CCDC38: variants seen among roughly 807,000 people sequenced by gnomAD.
CCDC38 encodes coiled-coil domain-containing protein 38.
CCDC38 carries 69 observed loss-of-function variants against 72.8 expected under a neutral mutation model. That is an observed-to-expected ratio of 0.95 (90% CI 0.78 to 1.16). The LOEUF is 1.16. CCDC38 is among the 50% of genes most tolerant of loss of function. CCDC38 has a pLI of 0.00. For missense variants in CCDC38, 626 were observed against 638.9 expected (o/e 0.98, Z 0.22); for synonymous variants, 201 against 213.2 (o/e 0.94, Z 0.50).
intron 2 of CCDC38, among the ~76,000 whole-genome samples, chr12:95,928,478 G>C (rs574623007): frequency 7.9e-5 from 12 of 152,232 alleles, no homozygotes; most frequent in Middle Eastern, 3.4e-3. Flanking sequence ...TTTGCCTTTG[G>C]TTTGAATTTC....
chr12:95,899,632 T>A (rs10859975), intron 5 of CCDC38, among the ~76,000 whole-genome samples: 62,400 of 151,968 alleles, frequency 0.41, 13,660 homozygotes, highest in African/African-American at 0.55. Flanking sequence ...CAGGAAAAAA[T>A]TAAATCATAA....
At position 95,892,278 on chromosome 12, in the gene CCDC38, C is replaced by CTTTTTTT. The variant is rs774500212; in HGVS notation, c.773-1355_773-1349dup. Among the ~76,000 whole-genome samples, 47 of 76,008 alleles carry CTTTTTTT rather than the reference C, an allele frequency of 6.2e-4. 2 individuals carry two copies. The highest frequency in any genetic ancestry group is 1.1e-3 in the African/African-American group (19 of 16,734). The allele number at this position is 76,008 out of a possible 152,430, so 49.9% of individuals were successfully genotyped here. A position where few individuals can be genotyped will look rare whatever the true frequency, so the allele number is the denominator to read the frequency against. On this transcript the variant is annotated intron_variant, in intron 8 of 15. Transcript: ENST00000344280. The stretch of plus-strand genomic sequence containing the variant: ...TGACCCCGCTTTCACTTATTACAAT[C>CTTTTTTT]TTTTTTTTTTTTTTTTTTTTTTTGG...
At chr12:95,915,359 A>G (rs1172596164) in intron 4 of CCDC38, among the ~76,000 whole-genome samples, 3 of 152,248 alleles carry the variant, frequency 2.0e-5, no homozygotes, top group African/African-American at 7.2e-5. Context: ...ACTGCAACAG[A>G]GAGTCCTGCA....
rs370020795 is a variant in CCDC38, at chr12:95,905,420, T to C, written c.369+967A>G. 3.9e-5 allele frequency among the ~76,000 whole-genome samples: 6 copies of C among 152,348 alleles called. No individual in the cohort carries two copies. The East Asian group carries it at 1.2e-3, about 29-fold the overall frequency. ...TAAACTACCTAGGACATCAGTTATG[T>C]CAGTAGGACTTTATAATAAAGATCA... On this transcript the variant is annotated intron_variant, in intron 5 of 15. Coordinates refer to ENST00000344280, the MANE Select transcript of CCDC38 (RefSeq NM_182496.3).
chr12:95,890,794 G>T (rs533767797), intron 9 of CCDC38, 38 bp downstream of exon 9: 2 of 1,264,964 alleles, frequency 1.6e-6, no homozygotes, highest in East Asian at 2.3e-5. Flanking sequence ...GGACACATTC[G>T]CAGGTTTTAC....
chr12:95,919,257 C>A (rs1276306890), intron 2 of CCDC38, among the ~76,000 whole-genome samples: 2 of 152,248 alleles, frequency 1.3e-5, no homozygotes, highest in East Asian at 3.9e-4. Flanking sequence ...AAGTGAAGTA[C>A]AGAAATCTCA....
chr12:95,869,580 C>G lies in CCDC38; in HGVS notation c.1485-7G>C. On this transcript the variant is annotated splice_region_variant and splice_polypyrimidine_tract_variant and intron_variant, in intron 14 of 15. Coordinates refer to ENST00000344280, the MANE Select transcript of CCDC38 (RefSeq NM_182496.3). ...CATTTTCTCATCACGAAACCTGTCA[C>G]AAGAAGGGAGAAACATTCTTGTAAC... is the stretch of plus-strand genomic sequence containing the variant. 6.2e-7 allele frequency: 1 copy of G among 1,603,898 alleles called. No homozygotes were observed. The highest frequency in any genetic ancestry group is 8.5e-7 in the Non-Finnish European group (1 of 1,172,078).
At chr12:95,877,182 C>A (rs748106113) in intron 13 of CCDC38, among the ~76,000 whole-genome samples, 2 of 152,102 alleles carry the variant, frequency 1.3e-5, no homozygotes, top group African/African-American at 4.8e-5. Flanking sequence ...ACATCTGGAC[C>A]CATTTAGATT....
chr12:95,921,927 A>G (rs1046819018), intron 2 of CCDC38, among the ~76,000 whole-genome samples: 12 of 152,180 alleles, frequency 7.9e-5, no homozygotes, highest in African/African-American at 2.9e-4. Context: ...ACCCACCTCC[A>G]GATATTCTGA....
chr12:95,904,724 C>T (rs2079984131), intron 5 of CCDC38, among the ~76,000 whole-genome samples: 1 of 152,176 alleles, frequency 6.6e-6, no homozygotes, highest in South Asian at 2.1e-4. Context: ...GTTGATCTGT[C>T]TCCAGTCTCC....
intron 2 of CCDC38, among the ~76,000 whole-genome samples, chr12:95,930,996 C>T (rs1301460597): frequency 6.6e-6 from 1 of 152,186 alleles, no homozygotes; most frequent in East Asian, 1.9e-4. Context: ...AGAAGGCTTT[C>T]TCTTCTCTGC....
intron 2 of CCDC38, among the ~76,000 whole-genome samples, chr12:95,923,774 T>C (rs1322326811): frequency 6.6e-6 from 1 of 151,126 alleles, no homozygotes; most frequent in Non-Finnish European, 1.5e-5. Context: ...TTCCCACCTA[T>C]GAGTGAGAAT....
chr12:95,943,148 C>T, upstream of CCDC38: 1 of 460,446 alleles, frequency 2.2e-6, no homozygotes, highest in Non-Finnish European at 3.8e-6. Flanking sequence ...CTCGTTTACT[C>T]GGGATGGGAC....
At chr12:95,892,228 A>G (rs2079835431) in intron 8 of CCDC38, among the ~76,000 whole-genome samples, 1 of 150,532 alleles carries the variant, frequency 6.6e-6, no homozygotes, top group South Asian at 2.1e-4. Flanking sequence ...GTTAGTTGAA[A>G]GTGCAAATCA....
At chr12:95,931,489 C>T (rs766381944) in intron 2 of CCDC38, among the ~76,000 whole-genome samples, 20 of 152,328 alleles carry the variant, frequency 1.3e-4, no homozygotes, top group Non-Finnish European at 2.4e-4. Flanking sequence ...CTGTCTCACA[C>T]AGTCTCACTC....
intron 2 of CCDC38, among the ~76,000 whole-genome samples, chr12:95,926,352 A>T (rs1261095495): frequency 6.6e-6 from 1 of 152,088 alleles, no homozygotes; most frequent in Non-Finnish European, 1.5e-5. Context: ...ATATTCTCTG[A>T]TGGTAGTTTG....
intron 5 of CCDC38, 142 bp downstream of exon 5, chr12:95,906,245 T>A (rs964851066): frequency 1.3e-5 from 8 of 619,614 alleles, no homozygotes; most frequent in Non-Finnish European, 2.3e-5. Flanking sequence ...TTTTTCAAAT[T>A]AATGAACACG....
At chr12:95,890,716 G>A (rs2079815134) in intron 9 of CCDC38, 116 bp downstream of exon 9, 1 of 581,238 alleles carries the variant, frequency 1.7e-6, no homozygotes, top group African/African-American at 1.9e-5. Flanking sequence ...TGCTAGGATT[G>A]AGGGTGGGGT....
intron 9 of CCDC38, 101 bp from the exon 10 acceptor site, chr12:95,888,607 T>A (rs2079786706): frequency 1.9e-6 from 2 of 1,030,288 alleles, no homozygotes; most frequent in Non-Finnish European, 3.0e-6. Flanking sequence ...TGCAAGGTAT[T>A]CATTTTTCTG....
Sources: allele counts gnomAD v4.1 joint callset (sites outside exome capture counted in the v4.1 genomes callset), GRCh38; gene constraint gnomAD v4.1.1; transcripts MANE v1.5; gene names NCBI Gene and HGNC (gene_info 2026-07-23, HGNC 2026-07-21).